Variants in NKAIN3 observed in about 807,000 individuals in gnomAD.
NKAIN3 encodes the protein sodium/potassium transporting ATPase interacting 3, also known as sodium/potassium-transporting ATPase subunit beta-1-interacting protein 3.
NKAIN3 carries 25 observed loss-of-function variants against 30.2 expected under a neutral mutation model. The observed-to-expected ratio is 0.83, with a 90% confidence interval of 0.60 to 1.16. The LOEUF is 1.16. NKAIN3 is among the 50% of genes most tolerant of loss of function. The pLI is 0.00. For missense variants in NKAIN3, 225 were observed against 254.1 expected (o/e 0.89, Z 0.78); for synonymous variants, 91 against 89.6 (o/e 1.02, Z -0.09).
At chr8:62,325,208 A>G (rs1048172476) in intron 1 of NKAIN3, among the ~76,000 whole-genome samples, 3 of 152,044 alleles carry the variant, frequency 2.0e-5, no homozygotes, top group Non-Finnish European at 2.9e-5. Flanking sequence ...CTTAACTTCC[A>G]TGTAGAAGTA....
At chr8:62,719,731 G>A (rs1815023690) in intron 3 of NKAIN3, among the ~76,000 whole-genome samples, 1 of 148,942 alleles carries the variant, frequency 6.7e-6, no homozygotes. Flanking sequence ...GTAATCTTCT[G>A]CATACATTTA....
At chr8:62,841,931 A>G (rs1038431633) in intron 4 of NKAIN3, among the ~76,000 whole-genome samples, 1 of 152,166 alleles carries the variant, frequency 6.6e-6, no homozygotes, top group Non-Finnish European at 1.5e-5. Flanking sequence ...CCAATAGTGT[A>G]CAAGCATTCC....
chr8:62,985,925 C>CT (rs906773167), downstream of NKAIN3, among the ~76,000 whole-genome samples: 4 of 152,104 alleles, frequency 2.6e-5, no homozygotes, highest in Admixed American at 2.0e-4. Flanking sequence ...AAAATTCATA[C>CT]TTTTTTTTCC....
chr8:62,486,815 T>C (rs2129601343), intron 1 of NKAIN3, among the ~76,000 whole-genome samples: 1 of 152,314 alleles, frequency 6.6e-6, no homozygotes, highest in East Asian at 1.9e-4. Flanking sequence ...GCATCCTTTT[T>C]CTGAGGAAAG....
At chr8:62,805,497 A>G (rs1306149906) in intron 4 of NKAIN3, among the ~76,000 whole-genome samples, 3 of 152,150 alleles carry the variant, frequency 2.0e-5, no homozygotes, top group Non-Finnish European at 4.4e-5. Context: ...AAATAATGCC[A>G]CATATCTACA....
chr8:62,301,483 T>G (rs1338040223), intron 1 of NKAIN3, among the ~76,000 whole-genome samples: 1 of 152,110 alleles, frequency 6.6e-6, no homozygotes, highest in Non-Finnish European at 1.5e-5. Flanking sequence ...TTGTCTCATT[T>G]GAACACTGTT....
intron 1 of NKAIN3, among the ~76,000 whole-genome samples, chr8:62,514,507 T>C (rs1442076653): frequency 6.6e-6 from 1 of 152,164 alleles, no homozygotes; most frequent in Non-Finnish European, 1.5e-5. Context: ...TCACAGATAC[T>C]TCACTGATAA....
At chr8:62,841,923 A>G (rs1190147358) in intron 4 of NKAIN3, among the ~76,000 whole-genome samples, 1 of 152,150 alleles carries the variant, frequency 6.6e-6, no homozygotes, top group Non-Finnish European at 1.5e-5. Flanking sequence ...CATTACCACC[A>G]ATAGTGTACA....
chr8:62,685,504 A>T (rs1444510773), intron 3 of NKAIN3, among the ~76,000 whole-genome samples: 1 of 152,186 alleles, frequency 6.6e-6, no homozygotes, highest in African/African-American at 2.4e-5. Flanking sequence ...AATCAATAAC[A>T]ATCATTTTAA....
intron 3 of NKAIN3, among the ~76,000 whole-genome samples, chr8:62,734,543 T>C (rs1815587257): frequency 6.6e-6 from 1 of 152,216 alleles, no homozygotes; most frequent in Non-Finnish European, 1.5e-5. Flanking sequence ...GGAAGAATGC[T>C]TGAACCCATT....
chr8:62,788,915 G>A (rs370607368), intron 4 of NKAIN3, among the ~76,000 whole-genome samples: 32 of 152,166 alleles, frequency 2.1e-4, no homozygotes, highest in Middle Eastern at 3.4e-3. Context: ...AACCAGTACC[G>A]TTCTGTTTTG....
chr8:62,864,276 T>C (rs1820352885), intron 4 of NKAIN3: 3 of 1,159,974 alleles, frequency 2.6e-6, no homozygotes, highest in Middle Eastern at 2.0e-4. Flanking sequence ...CAAAGGACAA[T>C]GCTGAAGCTG....
chr8:62,832,091 A>G (rs1458375962), intron 4 of NKAIN3, among the ~76,000 whole-genome samples: 1 of 152,166 alleles, frequency 6.6e-6, no homozygotes, highest in Non-Finnish European at 1.5e-5. Context: ...ATTCCAACCA[A>G]GAATTTTATA....
intron 1 of NKAIN3, among the ~76,000 whole-genome samples, chr8:62,499,031 AT>A (rs1807331713): frequency 6.6e-6 from 1 of 152,088 alleles, no homozygotes; most frequent in Admixed American, 6.6e-5. Context: ...ATATTCTCTC[AT>A]TTTTATCAAT....
intron 6 of NKAIN3, among the ~76,000 whole-genome samples, chr8:62,961,531 TAA>T (rs1399061716): frequency 6.6e-6 from 1 of 152,142 alleles, no homozygotes; most frequent in Admixed American, 6.5e-5. Flanking sequence ...GTTATTGATT[TAA>T]AGAGACACAA....
chr8:62,299,385 G>T (rs1361796205), intron 1 of NKAIN3, among the ~76,000 whole-genome samples: 1 of 151,978 alleles, frequency 6.6e-6, no homozygotes, highest in Non-Finnish European at 1.5e-5. Context: ...TGGCTTGGTT[G>T]AGTGGCCCAT....
At chr8:62,985,200 A>G (rs1050655600), downstream of NKAIN3, among the ~76,000 whole-genome samples, 2 of 152,122 alleles carry the variant, frequency 1.3e-5, no homozygotes, top group Non-Finnish European at 2.9e-5. Context: ...CCTGACTCCA[A>G]TTACATCTCA....
chr8:62,406,282 A>C (rs1034145179), intron 1 of NKAIN3, among the ~76,000 whole-genome samples: 2 of 152,198 alleles, frequency 1.3e-5, no homozygotes, highest in Admixed American at 1.3e-4. Context: ...CTTAAAATGG[A>C]GAAGACCTCA....
intron 4 of NKAIN3, among the ~76,000 whole-genome samples, chr8:62,838,693 A>AAAAC (rs1191922099): frequency 6.6e-6 from 1 of 152,112 alleles, no homozygotes; most frequent in African/African-American, 2.4e-5. Context: ...ATCAGCACTA[A>AAAAC]AAACACCATT....
Sources: allele counts gnomAD v4.1 joint callset (sites outside exome capture counted in the v4.1 genomes callset), GRCh38; gene constraint gnomAD v4.1.1; transcripts MANE v1.5; gene names NCBI Gene and HGNC (gene_info 2026-07-23, HGNC 2026-07-21).